The following TTC3 variants were observed in gnomAD, a reference collection of about 807,000 sequenced individuals.
TTC3 encodes tetratricopeptide repeat domain 3.
TTC3 carries 180 observed loss-of-function variants against 249.6 expected under a neutral mutation model. The ratio of observed to expected loss-of-function variants is 0.72; its 90% CI spans 0.64 to 0.82. TTC3 has a LOEUF of 0.82. TTC3 is among the 40% of genes least tolerant of loss of function. The pLI is 0.00. For synonymous variants in TTC3, 717 were observed against 805.0 expected, an observed-to-expected ratio of 0.89 and a Z score of 1.85; for missense variants, 2,061 against 2,398.4, an observed-to-expected ratio of 0.86 and a Z score of 2.94.
chr21:37,140,303 T>C (rs936528518), intron 19 of TTC3, among the ~76,000 whole-genome samples: 2 of 152,178 alleles, frequency 1.3e-5, no homozygotes, highest in Non-Finnish European at 2.9e-5. Flanking sequence ...AGGCCCTTAG[T>C]GCGTACTAGT....
chr21:37,073,462 CGTGGGTGTGTGGTGAGT>C, intron 1 of TTC3: 2 of 986,340 alleles, frequency 2.0e-6, no homozygotes, highest in Non-Finnish European at 2.4e-6. Flanking sequence ...ACACCCCCTC[CGTGGGTGTGTGGTGAGT>C]GTGGGTGTGT....
chr21:37,183,571 G>C (rs1302433313), intron 36 of TTC3, among the ~76,000 whole-genome samples: 3 of 152,152 alleles, frequency 2.0e-5, no homozygotes, highest in Non-Finnish European at 4.4e-5. Context: ...GCTGAGTTCA[G>C]CTGGGCCATT....
intron 34 of TTC3, among the ~76,000 whole-genome samples, chr21:37,171,891 G>A (rs1312543059): frequency 6.6e-6 from 1 of 152,200 alleles, no homozygotes; most frequent in Non-Finnish European, 1.5e-5. Flanking sequence ...AGCTGGACCA[G>A]GTTTGTGCCT....
At chr21:37,177,899 T>C (rs2082412365) in intron 35 of TTC3, among the ~76,000 whole-genome samples, 1 of 152,226 alleles carries the variant, frequency 6.6e-6, no homozygotes. Context: ...CCCAGGTCTG[T>C]GTGTAGCACA....
chr21:37,141,215 T>A (rs538991773), intron 20 of TTC3, among the ~76,000 whole-genome samples: 1 of 152,356 alleles, frequency 6.6e-6, no homozygotes, highest in East Asian at 1.9e-4. Context: ...AATGTCAGTA[T>A]GTCCCTGAGG....
chr21:37,121,826 C>T (rs764156550), exon 12 of TTC3: 5 of 1,590,514 alleles, frequency 3.1e-6, no homozygotes, highest in Admixed American at 3.6e-5. Flanking sequence ...GGGTCATTAT[C>T]GTTATTGTGA....
At chr21:37,114,259 A>G (rs1209397057) in intron 11 of TTC3, among the ~76,000 whole-genome samples, 3 of 151,760 alleles carry the variant, frequency 2.0e-5, no homozygotes, top group Non-Finnish European at 2.9e-5. Flanking sequence ...GCAACCTACA[A>G]AATGGGAGAA....
intron 18 of TTC3, among the ~76,000 whole-genome samples, chr21:37,136,629 G>T (rs907228450): frequency 6.6e-6 from 1 of 152,240 alleles, no homozygotes; most frequent in African/African-American, 2.4e-5. Context: ...TTTAAGGAAA[G>T]AAGCTATTTC....
chr21:37,095,328 T>G (rs752382989), intron 8 of TTC3, 22 bp from the exon 9 acceptor site: 7 of 1,553,240 alleles, frequency 4.5e-6, no homozygotes, highest in Admixed American at 1.9e-5. Flanking sequence ...TTGATGGGTC[T>G]TCTTTCACCT....
chr21:37,157,216 T>C (rs1176541283), intron 28 of TTC3: 4 of 1,325,748 alleles, frequency 3.0e-6, no homozygotes, highest in Non-Finnish European at 4.0e-6. Flanking sequence ...AATCTATTAG[T>C]AAGTGGTTTG....
At chr21:37,147,265 T>C (rs991118501) in intron 21 of TTC3, among the ~76,000 whole-genome samples, 1 of 152,194 alleles carries the variant, frequency 6.6e-6, no homozygotes, top group African/African-American at 2.4e-5. Flanking sequence ...AAAAAAAATT[T>C]TGTCCAGTCC....
intron 13 of TTC3, 71 bp downstream of exon 13, chr21:37,123,099 A>T (rs1315928419): frequency 1.3e-6 from 2 of 1,525,004 alleles, no homozygotes; most frequent in Non-Finnish European, 1.8e-6. Flanking sequence ...AGAATCACTT[A>T]TGTTTGACGC....
At chr21:37,088,550 A>C (rs2072824009) in intron 4 of TTC3, among the ~76,000 whole-genome samples, 1 of 152,226 alleles carries the variant, frequency 6.6e-6, no homozygotes, top group Non-Finnish European at 1.5e-5. Context: ...GAATAGTACT[A>C]GATGGTAGAC....
intron 35 of TTC3, among the ~76,000 whole-genome samples, chr21:37,177,361 A>G (rs2082371586): frequency 6.6e-6 from 1 of 152,150 alleles, no homozygotes; most frequent in Non-Finnish European, 1.5e-5. Flanking sequence ...GCTGGGGAAG[A>G]TAGACTTTGC....
intron 44 of TTC3, among the ~76,000 whole-genome samples, chr21:37,199,849 A>G (rs1321251591): frequency 1.3e-5 from 2 of 152,186 alleles, no homozygotes; most frequent in South Asian, 2.1e-4. Flanking sequence ...TGGCTACACA[A>G]TAGCCCATTG....
At chr21:37,108,300 T>C (rs2075283150) in intron 10 of TTC3, 92 bp from the exon 11 acceptor site, 2 of 993,150 alleles carry the variant, frequency 2.0e-6, no homozygotes, top group African/African-American at 3.3e-5. Flanking sequence ...CTAGATAATA[T>C]ACATGGAAAA....
intron 27 of TTC3, among the ~76,000 whole-genome samples, chr21:37,153,580 G>A (rs1364571801): frequency 2.0e-5 from 3 of 151,976 alleles, no homozygotes; most frequent in South Asian, 2.1e-4. Context: ...ACACACACAC[G>A]CACACCACAA....
chr21:37,104,588 C>CAAAAAAAAA (rs141618903), intron 10 of TTC3, among the ~76,000 whole-genome samples: 24 of 104,278 alleles, frequency 2.3e-4, no homozygotes, highest in African/African-American at 5.6e-4. Context: ...AACTCCGTCT[C>CAAAAAAAAA]AAAAAAAAAA....
intron 11 of TTC3, among the ~76,000 whole-genome samples, chr21:37,109,555 G>C (rs1486104281): frequency 2.0e-5 from 3 of 152,174 alleles, no homozygotes; most frequent in Middle Eastern, 6.8e-3. Flanking sequence ...GGTAAACAAA[G>C]CAGCCCAGAA....
Sources: gnomAD v4.1 joint callset for allele counts (sites outside exome capture counted in the v4.1 genomes callset) on GRCh38, gnomAD v4.1.1 for gene constraint, MANE v1.5 for transcripts, NCBI Gene and HGNC (gene_info 2026-07-23, HGNC 2026-07-21) for gene names.